The following TGFBR3 variants were observed in gnomAD, a reference collection of about 807,000 sequenced individuals.
The protein encoded by TGFBR3 is transforming growth factor beta receptor 3.
Under a neutral mutation model 87.9 loss-of-function variants are expected in TGFBR3, and 46 were observed. That is an observed-to-expected ratio of 0.52 (90% CI 0.41 to 0.67). The LOEUF (loss-of-function observed/expected upper bound fraction) is 0.67. Among genes scored for constraint, TGFBR3 ranks in the 30% least tolerant of loss-of-function variants. The pLI, the probability that TGFBR3 is intolerant of heterozygous loss-of-function variation, is 0.00. For synonymous variants in TGFBR3, 381 were observed against 391.6 expected (o/e 0.97, Z 0.32); for missense variants, 866 against 1,041.9 (o/e 0.83, Z 2.32).
At chr1:91,798,827 A>C (rs1427507919) in intron 2 of TGFBR3, among the ~76,000 whole-genome samples, 2 of 152,246 alleles carry the variant, frequency 1.3e-5, no homozygotes, top group Non-Finnish European at 2.9e-5. Flanking sequence ...TGAGTAGGGC[A>C]CCATTCCAGG....
chr1:91,902,379 A>G (rs1277944882), intron 1 of TGFBR3, among the ~76,000 whole-genome samples: 1 of 151,690 alleles, frequency 6.6e-6, no homozygotes, highest in African/African-American at 2.4e-5. Flanking sequence ...CTCGGACTCA[A>G]GCAATCCTCC....
At chr1:91,877,490 C>T (rs753313199) in intron 1 of TGFBR3, among the ~76,000 whole-genome samples, 5 of 152,084 alleles carry the variant, frequency 3.3e-5, no homozygotes, top group Non-Finnish European at 7.3e-5. Context: ...CCATGCCTGG[C>T]TAATTTTTAA....
At chr1:91,835,823 A>C (rs1457589911) in intron 2 of TGFBR3, among the ~76,000 whole-genome samples, 2 of 104,722 alleles carry the variant, frequency 1.9e-5, no homozygotes, top group East Asian at 2.7e-4. Flanking sequence ...GCGAGACTCC[A>C]CCTCAAAAAA....
intron 2 of TGFBR3, among the ~76,000 whole-genome samples, chr1:91,820,411 C>T (rs1007167051): frequency 6.6e-5 from 10 of 152,156 alleles, no homozygotes; most frequent in Non-Finnish European, 1.5e-5. Flanking sequence ...CAGCCGGGCA[C>T]GGTGGCTCAC....
intron 1 of TGFBR3, among the ~76,000 whole-genome samples, chr1:91,903,027 TAAA>T (rs57978972): frequency 2.2e-5 from 3 of 134,108 alleles, no homozygotes; most frequent in African/African-American, 8.3e-5. Context: ...GCACCTCACT[TAAA>T]AAAAAAAAAA....
rs1671917486 is a variant in TGFBR3, at chr1:91,709,711, T to G, written c.2167-928A>C. ...AAAAAATATGATCACACTCCGCACTTTTTCTTTAAAATAACTTTGTTTTCT... is the reference window on the plus strand; with the variant it reads ...AAAAAATATGATCACACTCCGCACTGTTTCTTTAAAATAACTTTGTTTTCT... On this transcript the variant is annotated intron_variant, in intron 13 of 16. Transcript: ENST00000212355. Among the ~76,000 whole-genome samples the G allele has an allele frequency of 2.0e-5, 3 of 152,186 alleles. No homozygotes were observed. In the South Asian group the frequency reaches 6.2e-4, roughly 32 times the overall value.
intron 4 of TGFBR3, among the ~76,000 whole-genome samples, chr1:91,748,141 C>G (rs1279632443): frequency 6.6e-6 from 1 of 152,192 alleles, no homozygotes; most frequent in South Asian, 2.1e-4. Flanking sequence ...GGTGAGGCCT[C>G]TAGCCCGAAA....
At chr1:91,888,404 C>T (rs1679380340), upstream of TGFBR3, among the ~76,000 whole-genome samples, 1 of 152,096 alleles carries the variant, frequency 6.6e-6, no homozygotes, top group Admixed American at 6.6e-5. Context: ...ATATTTAATC[C>T]CACATTTAAA....
At position 91,721,958 on chromosome 1, in the gene TGFBR3, T is replaced by C. The variant is rs566197748; in HGVS notation, c.1072A>G (p.Asn358Asp). Residue 358 changes from asparagine (N) to aspartate (D), a missense_variant, in exon 8 of 17, where the codon AAT becomes GAT. Asn to Asp is a conservative substitution (Grantham distance 23). Coordinates refer to ENST00000212355, the MANE Select transcript of TGFBR3 (RefSeq NM_003243.5). ...ACTTAAAAAACTTCTAACTTACCAT[T>C]ATTTTCAAGCCGAAGATGAAATCTA... The part of the protein sequence containing the change: ...ANRFHLRLEN[N>D]AEEMGDEEVH... 4 of 1,612,994 alleles carry C rather than the reference T, an allele frequency of 2.5e-6. No individual in the cohort carries two copies. Among genetic ancestry groups the C allele is most frequent in the Admixed American group, 1.7e-5 (1 of 59,936 alleles).
chr1:91,695,494 A>G, intron 16 of TGFBR3, 178 bp downstream of exon 16: 1 of 651,414 alleles, frequency 1.5e-6, no homozygotes. Flanking sequence ...TTTTCTTTCC[A>G]CTGTTTATGG....
At chr1:91,729,601 G>A (rs1348858774) in intron 6 of TGFBR3, among the ~76,000 whole-genome samples, 6 of 152,126 alleles carry the variant, frequency 3.9e-5, no homozygotes, top group Admixed American at 2.0e-4. Context: ...CCTTTACTCT[G>A]TTCTTCAAAG....
At chr1:91,731,796 G>A (rs1437548711) in intron 5 of TGFBR3, among the ~76,000 whole-genome samples, 1 of 152,178 alleles carries the variant, frequency 6.6e-6, no homozygotes, top group African/African-American at 2.4e-5. Context: ...AACAAACAAT[G>A]ATGTGAGATT....
At chr1:91,852,462 A>G (rs1677775435) in intron 2 of TGFBR3, among the ~76,000 whole-genome samples, 1 of 152,198 alleles carries the variant, frequency 6.6e-6, no homozygotes, top group South Asian at 2.1e-4. Context: ...CTGTAGAAAA[A>G]TCTAATGGAG....
rs1671899624 is a variant in TGFBR3 at position 91,709,332 on chromosome 1, C to A, written c.2167-549G>T. Among the ~76,000 whole-genome samples, 3 of 152,188 alleles carry A rather than the reference C, an allele frequency of 2.0e-5. No homozygotes were observed. The South Asian group carries it at 6.2e-4, about 31-fold the overall frequency. On this transcript the variant is annotated intron_variant, in intron 13 of 16. Coordinates refer to ENST00000212355, the MANE Select transcript of TGFBR3 (RefSeq NM_003243.5). ...ACATGCTCAGAACACTTACGTTAACCTACAGCTGGAAAAATCATGTAACAC... is the reference window on the plus strand; with the variant it reads ...ACATGCTCAGAACACTTACGTTAACATACAGCTGGAAAAATCATGTAACAC...
intron 1 of TGFBR3, among the ~76,000 whole-genome samples, chr1:91,866,138 G>A (rs1354285810): frequency 2.0e-5 from 3 of 152,046 alleles, no homozygotes; most frequent in East Asian, 3.9e-4. Context: ...AAACCATCAC[G>A]TTCTAAACCA....
At chr1:91,822,654 T>C (rs1478645606) in intron 2 of TGFBR3, among the ~76,000 whole-genome samples, 2 of 152,208 alleles carry the variant, frequency 1.3e-5, no homozygotes, top group African/African-American at 4.8e-5. Context: ...GGGCCGGGTA[T>C]GGTGGTACAC....
At chr1:91,720,855 C>T (rs1238381078) in intron 8 of TGFBR3, among the ~76,000 whole-genome samples, 2 of 152,126 alleles carry the variant, frequency 1.3e-5, no homozygotes, top group South Asian at 2.1e-4. Flanking sequence ...ATTACTTCAC[C>T]ACCTTCTTTT....
At chr1:91,691,157 A>G (rs1347366974) in intron 16 of TGFBR3, among the ~76,000 whole-genome samples, 1 of 152,178 alleles carries the variant, frequency 6.6e-6, no homozygotes, top group African/African-American at 2.4e-5. Flanking sequence ...CAGGAAAGAA[A>G]GGAAAATTAA....
intron 2 of TGFBR3, among the ~76,000 whole-genome samples, chr1:91,859,737 G>A (rs1052771869): frequency 4.0e-5 from 6 of 151,856 alleles, no homozygotes; most frequent in Admixed American, 2.0e-4. Context: ...GTGAAACCTT[G>A]TCTCTACTAA....
Sources: allele counts gnomAD v4.1 joint callset (sites outside exome capture counted in the v4.1 genomes callset), GRCh38; gene constraint gnomAD v4.1.1; transcripts MANE v1.5; gene names NCBI Gene and HGNC (gene_info 2026-07-23, HGNC 2026-07-21).